The following L3MBTL4 variants were observed in gnomAD, a reference collection of about 807,000 sequenced individuals.
L3MBTL4 encodes lethal(3)malignant brain tumor-like protein 4.
L3MBTL4 carries 70 observed loss-of-function variants against 84.5 expected under a neutral mutation model. The ratio of observed to expected loss-of-function variants is 0.83; its 90% CI spans 0.68 to 1.01. The LOEUF (loss-of-function observed/expected upper bound fraction) is 1.01. Among genes scored for constraint, L3MBTL4 ranks in the 50% least tolerant of loss-of-function variants. L3MBTL4 has a pLI of 0.00. For synonymous variants in L3MBTL4, 274 were observed against 259.8 expected (o/e 1.05, Z -0.52); for missense variants, 715 against 754.8 (o/e 0.95, Z 0.62).
chr18:6,023,622 G>A (rs1270024650), intron 16 of L3MBTL4, among the ~76,000 whole-genome samples: 2 of 152,220 alleles, frequency 1.3e-5, no homozygotes, highest in African/African-American at 4.8e-5. Flanking sequence ...AAAAGAAGGG[G>A]AGAGTTTAAT....
intron 16 of L3MBTL4, among the ~76,000 whole-genome samples, chr18:6,050,435 G>C (rs4308034): frequency 0.47 from 71,717 of 152,012 alleles, 17,501 homozygotes; most frequent in East Asian, 0.63. Flanking sequence ...ACTTTATAAT[G>C]ATAAAAATAT....
chr18:6,292,807 G>A (rs1228437326), intron 4 of L3MBTL4, among the ~76,000 whole-genome samples: 2 of 152,074 alleles, frequency 1.3e-5, no homozygotes, highest in Admixed American at 6.6e-5. Flanking sequence ...CTGAAAGCCT[G>A]GCTGCTGAAG....
At chr18:5,956,466 G>C in intron 18 of L3MBTL4, 79 bp from the exon 19 acceptor site, 1 of 1,386,686 alleles carries the variant, frequency 7.2e-7, no homozygotes, top group Non-Finnish European at 1.0e-6. Context: ...CTTTGGTTCT[G>C]AGTGTGATGT....
intron 16 of L3MBTL4, among the ~76,000 whole-genome samples, chr18:6,049,743 G>C (rs1001825075): frequency 6.6e-6 from 1 of 152,152 alleles, no homozygotes; most frequent in African/African-American, 2.4e-5. Flanking sequence ...GGGGGCAAAG[G>C]TTGAAAAACT....
intron 1 of L3MBTL4, among the ~76,000 whole-genome samples, chr18:6,319,680 C>T (rs148451560): frequency 1.3e-5 from 2 of 152,000 alleles, no homozygotes; most frequent in Non-Finnish European, 2.9e-5. Flanking sequence ...GATGAATTCA[C>T]AGCTTGAATT....
At chr18:6,071,846 G>GAA (rs1333539859) in intron 16 of L3MBTL4, among the ~76,000 whole-genome samples, 3 of 150,976 alleles carry the variant, frequency 2.0e-5, no homozygotes, top group African/African-American at 4.9e-5. Flanking sequence ...GAGAAAGAGA[G>GAA]AGAGGGAGGG....
chr18:6,048,945 C>T (rs2056739636), intron 16 of L3MBTL4, among the ~76,000 whole-genome samples: 1 of 151,994 alleles, frequency 6.6e-6, no homozygotes, highest in African/African-American at 2.4e-5. Flanking sequence ...GAAACTAGAC[C>T]ACTACATTTC....
chr18:6,125,438 G>A (rs992715037), intron 14 of L3MBTL4, among the ~76,000 whole-genome samples: 9 of 151,892 alleles, frequency 5.9e-5, no homozygotes, highest in Non-Finnish European at 1.2e-4. Context: ...GTTTTGTTTT[G>A]TTCTTTTGGA....
At chr18:6,203,781 C>T (rs1344285151) in intron 12 of L3MBTL4, among the ~76,000 whole-genome samples, 1 of 152,124 alleles carries the variant, frequency 6.6e-6, no homozygotes, top group Non-Finnish European at 1.5e-5. Context: ...GGTGCTGACC[C>T]AGATTCTACG....
At chr18:6,328,433 G>A (rs2051842184) in intron 1 of L3MBTL4, among the ~76,000 whole-genome samples, 1 of 152,154 alleles carries the variant, frequency 6.6e-6, no homozygotes, top group Non-Finnish European at 1.5e-5. Context: ...CCTCTCTGAA[G>A]CCTTGCCAAA....
intron 7 of L3MBTL4, among the ~76,000 whole-genome samples, chr18:6,242,346 GC>G (rs1599304690): frequency 6.6e-6 from 1 of 152,238 alleles, no homozygotes; most frequent in East Asian, 1.9e-4. Flanking sequence ...CCACAGAGAG[GC>G]CTTTCTCCCC....
intron 14 of L3MBTL4, among the ~76,000 whole-genome samples, chr18:6,109,373 A>G (rs973352353): frequency 1.3e-5 from 2 of 152,060 alleles, no homozygotes; most frequent in Admixed American, 6.5e-5. Flanking sequence ...CATTGTCATA[A>G]CCATTGTTAT....
At chr18:6,390,748 A>G (rs1039460906) in intron 1 of L3MBTL4, among the ~76,000 whole-genome samples, 6 of 152,072 alleles carry the variant, frequency 3.9e-5, no homozygotes, top group South Asian at 2.1e-4. Context: ...TAAATTCTTG[A>G]AACATACGAC....
chr18:6,379,910 A>G (rs1008967939), intron 1 of L3MBTL4, among the ~76,000 whole-genome samples: 2 of 152,098 alleles, frequency 1.3e-5, no homozygotes, highest in African/African-American at 4.8e-5. Flanking sequence ...TCCTCCTTGT[A>G]CCTCTGGTAG....
chr18:6,396,611 C>T (rs1268950547), intron 1 of L3MBTL4: 2 of 152,244 alleles, frequency 1.3e-5, no homozygotes, highest in Non-Finnish European at 2.9e-5. Context: ...CAGGCAAAGG[C>T]ATCAGTGGCA....
chr18:6,153,892 C>A, intron 13 of L3MBTL4, among the ~76,000 whole-genome samples: 1 of 152,188 alleles, frequency 6.6e-6, no homozygotes, highest in East Asian at 1.9e-4. Flanking sequence ...AACTGTGAGT[C>A]AATTAAACCC....
chr18:6,118,731 A>G (rs933835113), intron 14 of L3MBTL4, among the ~76,000 whole-genome samples: 8 of 152,210 alleles, frequency 5.3e-5, no homozygotes, highest in Non-Finnish European at 7.3e-5. Context: ...TTCTACTCAG[A>G]AGAAACCCTT....
chr18:6,286,370 G>A (rs924387639), intron 4 of L3MBTL4, among the ~76,000 whole-genome samples: 4 of 151,640 alleles, frequency 2.6e-5, no homozygotes, highest in East Asian at 2.0e-4. Flanking sequence ...AGGCTGAGGC[G>A]GAAGAATCGC....
chr18:6,032,535 TG>T (rs1343827361), intron 16 of L3MBTL4, among the ~76,000 whole-genome samples: 3 of 151,680 alleles, frequency 2.0e-5, no homozygotes, highest in African/African-American at 7.3e-5. Context: ...TTTTTTATCC[TG>T]TTTTTTTTTT....
Sources: gnomAD v4.1 joint callset for allele counts (sites outside exome capture counted in the v4.1 genomes callset) on GRCh38, gnomAD v4.1.1 for gene constraint, MANE v1.5 for transcripts, NCBI Gene and HGNC (gene_info 2026-07-23, HGNC 2026-07-21) for gene names.